The following SH3RF1 variants were observed in gnomAD, a reference collection of about 807,000 sequenced individuals.
The protein encoded by SH3RF1 is E3 ubiquitin-protein ligase SH3RF1.
SH3RF1 carries 32 observed loss-of-function variants against 74.0 expected under a neutral mutation model. The observed-to-expected ratio is 0.43, with a 90% CI of 0.33 to 0.58. SH3RF1 has a LOEUF of 0.58. Among genes scored for constraint, SH3RF1 ranks in the 20% least tolerant of loss-of-function variants. The probability of loss-of-function intolerance (pLI) is 0.05; values close to 1 mark genes in which losing one functional copy is unlikely to be tolerated. For synonymous variants in SH3RF1, 396 were observed against 439.6 expected (o/e 0.90, Z 1.24); for missense variants, 954 against 1,130.9 (o/e 0.84, Z 2.24).
chr4:169,198,443 AC>A (rs143349455), intron 2 of SH3RF1, among the ~76,000 whole-genome samples: 17,174 of 152,188 alleles, frequency 0.11, 997 homozygotes, highest in Middle Eastern at 0.16. Context: ...TAAAATATAC[AC>A]ATTTGTGAAT....
chr4:169,199,281 C>T (rs1251362200), intron 2 of SH3RF1, among the ~76,000 whole-genome samples: 3 of 152,158 alleles, frequency 2.0e-5, no homozygotes. Flanking sequence ...TTTAGAAAAA[C>T]ATTAGCTGCT....
chr4:169,151,083 GTTTGT>G (rs1733968796), intron 4 of SH3RF1, among the ~76,000 whole-genome samples: 1 of 152,170 alleles, frequency 6.6e-6, no homozygotes, highest in African/African-American at 2.4e-5. Flanking sequence ...CTACAAACAT[GTTTGT>G]TTTGAGTTTA....
chr4:169,212,768 G>GA (rs371149865), intron 2 of SH3RF1, among the ~76,000 whole-genome samples: 1 of 152,224 alleles, frequency 6.6e-6, no homozygotes, highest in East Asian at 1.9e-4. Flanking sequence ...CATGGTTTTG[G>GA]AAAAATGTTT....
At chr4:169,103,086 A>ATTTTTT (rs60740517) in intron 11 of SH3RF1, among the ~76,000 whole-genome samples, 388 of 86,778 alleles carry the variant, frequency 4.5e-3, no homozygotes, top group African/African-American at 6.0e-3. Context: ...GCGCCTGGCT[A>ATTTTTT]TTTTTTTTTT....
At chr4:169,258,615 C>T (rs1731226377) in intron 2 of SH3RF1, among the ~76,000 whole-genome samples, 1 of 151,862 alleles carries the variant, frequency 6.6e-6, no homozygotes, top group South Asian at 2.1e-4. Context: ...CATCACTGTG[C>T]ATAAAACACA....
At chr4:169,154,551 GCT>G (rs1734021826) in intron 4 of SH3RF1, among the ~76,000 whole-genome samples, 1 of 152,104 alleles carries the variant, frequency 6.6e-6, no homozygotes, top group Non-Finnish European at 1.5e-5. Context: ...ATAATCTTGT[GCT>G]CTCTCTTACT....
intron 10 of SH3RF1, among the ~76,000 whole-genome samples, chr4:169,108,176 A>G (rs1309465816): frequency 6.6e-6 from 1 of 152,240 alleles, no homozygotes; most frequent in Non-Finnish European, 1.5e-5. Context: ...TACATCATTA[A>G]GTTCTCTGAA....
intron 2 of SH3RF1, among the ~76,000 whole-genome samples, chr4:169,160,677 G>A (rs1405427205): frequency 6.6e-6 from 1 of 152,126 alleles, no homozygotes; most frequent in African/African-American, 2.4e-5. Context: ...GCCAGTTTGG[G>A]TCAAGTTTCT....
At chr4:169,193,592 CG>C (rs138591454) in intron 2 of SH3RF1, among the ~76,000 whole-genome samples, 1,585 of 152,206 alleles carry the variant, frequency 0.01, 30 homozygotes, top group African/African-American at 0.037. Flanking sequence ...ACATTTACCC[CG>C]TTACTAAGGA....
intron 2 of SH3RF1, among the ~76,000 whole-genome samples, chr4:169,160,086 T>C (rs1317252029): frequency 2.6e-5 from 4 of 152,152 alleles, no homozygotes; most frequent in Non-Finnish European, 5.9e-5. Flanking sequence ...GACAAATAAC[T>C]CTATTCACCA....
intron 2 of SH3RF1, among the ~76,000 whole-genome samples, chr4:169,243,323 G>A (rs1730943593): frequency 6.6e-6 from 1 of 152,146 alleles, no homozygotes; most frequent in Non-Finnish European, 1.5e-5. Context: ...GACCAGCCTG[G>A]CCAACATGGA....
chr4:169,252,002 C>G (rs1731112974), intron 2 of SH3RF1, among the ~76,000 whole-genome samples: 1 of 152,136 alleles, frequency 6.6e-6, no homozygotes, highest in Admixed American at 6.5e-5. Context: ...TCAGTTGAAG[C>G]CTATAAAAGA....
intron 2 of SH3RF1, among the ~76,000 whole-genome samples, chr4:169,245,078 A>C (rs1199724565): frequency 6.6e-6 from 1 of 152,218 alleles, no homozygotes; most frequent in Non-Finnish European, 1.5e-5. Flanking sequence ...TAATATATCT[A>C]TCATGCTACA....
At chr4:169,178,256 TAAAC>T (rs1183624395) in intron 2 of SH3RF1, among the ~76,000 whole-genome samples, 1 of 70,396 alleles carries the variant, frequency 1.4e-5, no homozygotes, top group East Asian at 3.1e-4. Context: ...AGTAAACAAA[TAAAC>T]AAAAAAAAAA....
chr4:169,107,164 G>A lies in SH3RF1; in HGVS notation c.2181C>T (p.Ser727=). Residue 727 remains serine (S), a synonymous_variant, in exon 11 of 12, where the codon TCC becomes TCT. Coordinates refer to ENST00000284637, the MANE Select transcript of SH3RF1 (RefSeq NM_020870.4). Reference sequence around the variant, plus strand: ...GAGACACGCGGGGCTTCCGTTTAGTGGAGGCGCCAGAAAGCAACTTCAACA... The same window carrying A: ...GAGACACGCGGGGCTTCCGTTTAGTAGAGGCGCCAGAAAGCAACTTCAACA... ...KGLLKLLSGA[S]TKRKPRVSPP... 6.4e-7 allele frequency: 1 copy of A among 1,565,140 alleles called. No individual in the cohort carries two copies. The highest frequency in any genetic ancestry group is 1.4e-5 in the African/African-American group (1 of 72,556).
At chr4:169,133,165 T>C (rs1391421823) in intron 5 of SH3RF1, among the ~76,000 whole-genome samples, 2 of 152,162 alleles carry the variant, frequency 1.3e-5, no homozygotes, top group Non-Finnish European at 1.5e-5. Context: ...CCGAGGTCCC[T>C]AATAACTTTG....
At chr4:169,128,893 A>G (rs1733567149) in intron 6 of SH3RF1, among the ~76,000 whole-genome samples, 1 of 152,226 alleles carries the variant, frequency 6.6e-6, no homozygotes, top group South Asian at 2.1e-4. Flanking sequence ...AACTTGCAAC[A>G]GCCCTCAACC....
chr4:169,235,684 A>C (rs1730813942), intron 2 of SH3RF1, among the ~76,000 whole-genome samples: 2 of 152,020 alleles, frequency 1.3e-5, no homozygotes, highest in African/African-American at 4.8e-5. Flanking sequence ...GATTTTACTT[A>C]ATTTCCTTCT....
Position 169,175,822 on chromosome 4 carries a change from C to T in SH3RF1, c.394-19143G>A, listed in dbSNP as rs900025183. ...ATTTTGCACTATTTGTATCTTCCCT[C>T]TCCCCCCATCCCCCAATTCATAAAT... On this transcript the variant is annotated intron_variant, in intron 2 of 11. Coordinates refer to ENST00000284637, the MANE Select transcript of SH3RF1 (RefSeq NM_020870.4). 2.8e-4 allele frequency among the ~76,000 whole-genome samples: 43 copies of T among 152,200 alleles called. 1 individual carries two copies. Among genetic ancestry groups the T allele is most frequent in the Admixed American group, 1.2e-3 (18 of 15,278 alleles).
Sources: allele counts gnomAD v4.1 joint callset (sites outside exome capture counted in the v4.1 genomes callset), GRCh38; gene constraint gnomAD v4.1.1; transcripts MANE v1.5; gene names NCBI Gene and HGNC (gene_info 2026-07-23, HGNC 2026-07-21).